The following COQ8A variants were observed in gnomAD, a reference collection of about 807,000 sequenced individuals.
COQ8A encodes coenzyme Q8A, also known as atypical kinase COQ8A, mitochondrial.
In COQ8A, 51 loss-of-function variants were observed where a neutral mutation model predicts 65.0. That is an observed-to-expected ratio of 0.78 (90% CI 0.63 to 0.99). COQ8A has a LOEUF of 0.99. Among genes scored for constraint, COQ8A ranks in the 50% least tolerant of loss-of-function variants. The probability of loss-of-function intolerance (pLI) is 0.00; values close to 1 mark genes in which losing one functional copy is unlikely to be tolerated. For synonymous variants in COQ8A, 371 were observed against 353.2 expected (o/e 1.05, Z -0.57); for missense variants, 940 against 875.0 (o/e 1.07, Z -0.94).
intron 1 of COQ8A, among the ~76,000 whole-genome samples, chr1:226,960,918 G>C (rs1006340962): frequency 1.3e-5 from 2 of 152,100 alleles, no homozygotes; most frequent in Non-Finnish European, 2.9e-5. Flanking sequence ...CACCAATGCC[G>C]TGAGTGGTCC....
Position 226,986,832 on chromosome 1 carries a change from T to C in COQ8A, c.*95T>C. 6.8e-7 allele frequency: 1 copy of C among 1,475,208 alleles called. No homozygotes were observed. Among genetic ancestry groups the C allele is most frequent in the Non-Finnish European group, 9.1e-7 (1 of 1,093,066 alleles). 91.4% of individuals were successfully genotyped at this position (1,475,208 alleles called of 1,614,324 possible). On this transcript the variant is annotated 3_prime_UTR_variant, in exon 15 of 15. Transcript: ENST00000366777. ...AGGTCGTGGTGATGCTCTTTTTAAC[T>C]CCTTTGCCCAATAAGGGGGGTGGCT...
chr1:226,968,532 G>T (rs1658693299), intron 4 of COQ8A, among the ~76,000 whole-genome samples: 1 of 152,124 alleles, frequency 6.6e-6, no homozygotes, highest in Non-Finnish European at 1.5e-5. Context: ...TTGCACTGTT[G>T]CGCTTTGTTC....
At chr1:226,978,831 T>A (rs1188045539) in intron 5 of COQ8A, among the ~76,000 whole-genome samples, 1 of 81,268 alleles carries the variant, frequency 1.2e-5, no homozygotes, top group East Asian at 3.7e-4. Context: ...TGCACACACC[T>A]CCTTACACAC....
chr1:226,944,050 C>G (rs1263025419), intron 1 of COQ8A, among the ~76,000 whole-genome samples: 1 of 151,932 alleles, frequency 6.6e-6, no homozygotes, highest in African/African-American at 2.4e-5. Context: ...AGCCTGGGAA[C>G]TCCCAGGCCT....
rs1261306684 is a variant in COQ8A at position 226,977,432 on chromosome 1, C to G, written c.656-17C>G. ...GCCCTGCGTGAGCACTGAGTGCCCG[C>G]CCCCTCCTCCTTGCAGGTCTGGCCG... On this transcript the variant is annotated splice_polypyrimidine_tract_variant and intron_variant, in intron 4 of 14. Coordinates refer to ENST00000366777, the MANE Select transcript of COQ8A (RefSeq NM_020247.5). The G allele has an allele frequency of 6.4e-7, 1 of 1,553,704 alleles. No homozygotes were observed. Among genetic ancestry groups the G allele is most frequent in the Non-Finnish European group, 8.7e-7 (1 of 1,148,920 alleles).
chr1:226,984,998 G>A, intron 13 of COQ8A, 57 bp downstream of exon 13: 8 of 1,594,216 alleles, frequency 5.0e-6, no homozygotes, highest in Non-Finnish European at 6.9e-6. Context: ...GGGACAGGAT[G>A]CTGGGGGACT....
rs745867840 is a variant in COQ8A, at chr1:226,965,710, AGG to A, written c.629_630del (p.Arg210AsnfsTer76). 7 of 1,613,868 alleles carry A rather than the reference AGG, an allele frequency of 4.3e-6. No homozygotes were observed. In the South Asian group the frequency reaches 7.7e-5, roughly 18 times the overall value. On this transcript the variant is annotated frameshift_variant, in exon 4 of 15. Coordinates refer to ENST00000366777, the MANE Select transcript of COQ8A (RefSeq NM_020247.5). LOFTEE classifies it high-confidence loss of function. ...CCGGGAGCGGAAGGTGCCTGTGACGAGGATTGGCCGGCTGGCCAACTTCGGAG... is the reference window on the plus strand; with the variant it reads ...CCGGGAGCGGAAGGTGCCTGTGACGAATTGGCCGGCTGGCCAACTTCGGAG... ...HARERKVPVT[R>X]IGRLANFGGL...
At chr1:226,961,756 A>C (rs1658269270) in intron 2 of COQ8A, among the ~76,000 whole-genome samples, 194 bp downstream of exon 2, 1 of 152,224 alleles carries the variant, frequency 6.6e-6, no homozygotes, top group South Asian at 2.1e-4. Context: ...ACTATAACAG[A>C]ATTCCATAGA....
In COQ8A at chr1:226,983,123, G is replaced by A. The variant is rs535433693; in HGVS notation, c.1080+89G>A. 1.1e-4 allele frequency: 165 copies of A among 1,490,642 alleles called. No homozygotes were observed. In the Middle Eastern group the frequency reaches 2.2e-3, roughly 20 times the overall value. The allele number at this position is 1,490,642 out of a possible 1,614,324, so 92.3% of individuals were successfully genotyped here. On this transcript the variant is annotated intron_variant, in intron 8 of 14. Coordinates refer to ENST00000366777, the MANE Select transcript of COQ8A (RefSeq NM_020247.5). ...GCTCATGGAGGCCTCTACACCCCAC[G>A]TCCCGCAGGGCACCCTCTCTCCTGG...
intron 4 of COQ8A, 54 bp downstream of exon 4, chr1:226,965,791 G>A (rs1024443371): frequency 8.3e-6 from 13 of 1,560,454 alleles, no homozygotes; most frequent in African/African-American, 4.1e-5. Context: ...TGGGCACCAC[G>A]CTGCGGCCTG....
chr1:226,985,124 C>CTG (rs1660003950), intron 13 of COQ8A, 130 bp from the exon 14 acceptor site: 2 of 1,267,680 alleles, frequency 1.6e-6, no homozygotes, highest in Non-Finnish European at 2.3e-6. Flanking sequence ...GGTGTCACAG[C>CTG]ACTGGCCGGG....
At position 226,949,219 on chromosome 1, in the gene COQ8A, G is replaced by T. The variant is rs989015206; in HGVS notation, c.-10+8820G>T. On this transcript the variant is annotated intron_variant, in intron 1 of 14. Coordinates refer to ENST00000366777, the MANE Select transcript of COQ8A (RefSeq NM_020247.5). The surrounding 1 kb of genome is among the most constrained non-coding windows in gnomAD (Gnocchi z 4.0). The stretch of plus-strand genomic sequence containing the variant: ...CTGGAGGCTGGAAAGGAGGCCGGGG[G>T]CCTGATTTCGATGCCTGGGACTTCA... 3.3e-5 allele frequency among the ~76,000 whole-genome samples: 5 copies of T among 151,962 alleles called. No individual in the cohort carries two copies. Among genetic ancestry groups the T allele is most frequent in the Non-Finnish European group, 5.9e-5 (4 of 68,006 alleles).
chr1:226,975,610 A>C (rs1002004122), intron 4 of COQ8A, among the ~76,000 whole-genome samples: 2 of 152,172 alleles, frequency 1.3e-5, no homozygotes, highest in African/African-American at 2.4e-5. Context: ...AAAAGTAACA[A>C]TTATATGTGT....
chr1:226,957,130 T>C (rs956423410), intron 1 of COQ8A, among the ~76,000 whole-genome samples: 2 of 149,568 alleles, frequency 1.3e-5, no homozygotes, highest in Admixed American at 6.6e-5. Context: ...TGGTTCACAC[T>C]TTCCCTGGCT....
At chr1:226,948,012 G>C (rs193245722) in intron 1 of COQ8A, among the ~76,000 whole-genome samples, 1 of 152,280 alleles carries the variant, frequency 6.6e-6, no homozygotes, top group South Asian at 2.1e-4. Context: ...AATTATTCTA[G>C]AATACAGCCC....
chr1:226,976,448 G>T (rs1224947540), intron 4 of COQ8A, among the ~76,000 whole-genome samples: 1 of 151,988 alleles, frequency 6.6e-6, no homozygotes, highest in Non-Finnish European at 1.5e-5. Flanking sequence ...GCGGGGCTGC[G>T]ATGTTGCCCG....
At chr1:226,973,471 G>A (rs1336808772) in intron 4 of COQ8A, among the ~76,000 whole-genome samples, 1 of 152,216 alleles carries the variant, frequency 6.6e-6, no homozygotes, top group South Asian at 2.1e-4. Context: ...GGTGTGTGTG[G>A]AAGTCTGAGC....
chr1:226,961,450 C>T lies in COQ8A; in HGVS notation c.65C>T (p.Ala22Val). ...GGCCTTGTCAAGCTGACCCAGGCGGCCGTGGAAACCCACCTGCAGCACTTG... is the reference window on the plus strand; with the variant it reads ...GGCCTTGTCAAGCTGACCCAGGCGGTCGTGGAAACCCACCTGCAGCACTTG... ...AKGLVKLTQAAVETHLQHLGI... is the reference protein window; with the variant it reads ...AKGLVKLTQAVVETHLQHLGI... The change falls in exon 2 of 15, where the codon GCC (alanine) becomes GTC (valine). Residue 22 changes from alanine (A) to valine (V), a missense_variant. Physicochemically the swap from Ala to Val is moderately conservative, Grantham distance 64. Transcript: ENST00000366777. 1 of 1,613,802 alleles carries T rather than the reference C, an allele frequency of 6.2e-7. No homozygotes were observed. The highest frequency in any genetic ancestry group is 1.1e-5 in the South Asian group (1 of 91,090).
intron 10 of COQ8A, 54 bp from the exon 11 acceptor site, chr1:226,984,040 G>T (rs557215916): frequency 5.9e-6 from 9 of 1,521,604 alleles, no homozygotes; most frequent in South Asian, 1.1e-5. Context: ...TGTGTGGGGG[G>T]GGGGACGGTG....
Sources: allele counts gnomAD v4.1 joint callset (sites outside exome capture counted in the v4.1 genomes callset), GRCh38; gene constraint gnomAD v4.1.1; non-coding constraint Gnocchi (gnomAD v3.1); transcripts MANE v1.5; gene names NCBI Gene and HGNC (gene_info 2026-07-23, HGNC 2026-07-21).